The following ZNF276 variants were observed in gnomAD, a reference collection of about 807,000 sequenced individuals.
ZNF276 encodes the protein centromere protein Z.
A neutral mutation model predicts 63.9 loss-of-function variants in ZNF276; 59 were observed. That is an observed-to-expected ratio of 0.92 (90% CI 0.75 to 1.15). The LOEUF (loss-of-function observed/expected upper bound fraction) is 1.15, where lower values mean the gene tolerates loss of function less well. ZNF276 is among the 50% of genes most tolerant of loss of function. The pLI is 0.00. For synonymous variants in ZNF276, 496 were observed against 348.4 expected (o/e 1.42, Z -4.72); for missense variants, 1,084 against 843.8 (o/e 1.28, Z -3.53).
At position 89,721,602 on chromosome 16, in the gene ZNF276, G is replaced by A; in HGVS notation, c.-39G>A. ...CGGGTCCTCTAGGAACCTCGGGCCG[G>A]GCAGCACCCGCGGGATTCTGCTGGC... On this transcript the variant is annotated 5_prime_UTR_variant, in exon 1 of 11. Transcript: ENST00000443381. 6.8e-7 allele frequency: 1 copy of A among 1,469,654 alleles called. No homozygotes were observed. The highest frequency in any genetic ancestry group is 9.0e-7 in the Non-Finnish European group (1 of 1,115,304). 91.0% of individuals were successfully genotyped at this position (1,469,654 alleles called of 1,614,324 possible).
At chr16:89,725,338 C>T (rs1020902703) in intron 4 of ZNF276, among the ~76,000 whole-genome samples, 4 of 151,740 alleles carry the variant, frequency 2.6e-5, no homozygotes, top group Admixed American at 6.6e-5. Context: ...CGCGCCACTA[C>T]GCCCACCTAA....
intron 4 of ZNF276, among the ~76,000 whole-genome samples, chr16:89,726,409 C>G (rs1361355167): frequency 6.6e-6 from 1 of 152,056 alleles, no homozygotes; most frequent in African/African-American, 2.4e-5. Context: ...GTTGGTAAGG[C>G]TGGTCTCGAC....
In ZNF276 at chr16:89,739,445, CCCAGCCCTGA is replaced by C. The variant is rs1567593604; in HGVS notation, c.*1209_*1218del. 2.6e-6 allele frequency: 4 copies of C among 1,552,970 alleles called. No homozygotes were observed. Among genetic ancestry groups the C allele is most frequent in the African/African-American group, 1.4e-5 (1 of 73,214 alleles). On this transcript the variant is annotated 3_prime_UTR_variant, in exon 11 of 11. Coordinates refer to ENST00000443381, the MANE Select transcript of ZNF276 (RefSeq NM_001113525.2). ...TGAGATGGGGGTCTGGGAAACACTGCCCAGCCCTGACCAGCCCTGTGGGTGGAGGTACCTG... is the reference window on the plus strand; with the variant it reads ...TGAGATGGGGGTCTGGGAAACACTGCCCAGCCCTGTGGGTGGAGGTACCTG...
intron 5 of ZNF276, among the ~76,000 whole-genome samples, chr16:89,728,497 G>A (rs1030220464): frequency 6.6e-6 from 1 of 152,086 alleles, no homozygotes; most frequent in Admixed American, 6.5e-5. Context: ...TCTGCCTCCC[G>A]GGTTCACGCC....
At chr16:89,721,339 CCCCTCCG>C (rs2061262737), upstream of ZNF276, 1 of 302,212 alleles carries the variant, frequency 3.3e-6, no homozygotes, top group Non-Finnish European at 6.1e-6. Flanking sequence ...TGTCGGCGAG[CCCCTCCG>C]CCCACCGCCC....
At chr16:89,731,754 A>G (rs1175767594) in intron 6 of ZNF276, 4 of 152,244 alleles carry the variant, frequency 2.6e-5, no homozygotes, top group East Asian at 1.9e-4. Context: ...GCTATTGCAT[A>G]TGTATTGTTC....
chr16:89,720,545 G>A (rs539164569), upstream of ZNF276: 2 of 1,174,524 alleles, frequency 1.7e-6, no homozygotes, highest in African/African-American at 1.6e-5. Context: ...AGCGAGCGGA[G>A]TGGAAAGCCA....
Position 89,723,400 on chromosome 16 carries a change from G to C in ZNF276, c.697G>C (p.Gly233Arg). ...EYCGVIQVVW[G>R]CDQGHDYTMD... ...CTGCGGCGTCATCCAGGTCGTGTGG[G>C]GCTGCGACCAGGGCCACGACTACAC... The change falls in exon 4 of 11, where the codon GGC (glycine) becomes CGC (arginine). Residue 233 changes from glycine to arginine, a missense_variant. Transcript: ENST00000443381. 6.2e-7 allele frequency: 1 copy of C among 1,613,038 alleles called. No individual in the cohort carries two copies. The highest frequency in any genetic ancestry group is 1.3e-5 in the African/African-American group (1 of 75,074).
intron 6 of ZNF276, among the ~76,000 whole-genome samples, chr16:89,730,772 C>G (rs970239963): frequency 2.0e-5 from 3 of 152,174 alleles, no homozygotes; most frequent in Non-Finnish European, 4.4e-5. Flanking sequence ...CCCCTGGGAA[C>G]CCAGAAGGGC....
rs1428755264 is a variant in ZNF276, at chr16:89,740,901, A to C, written c.*2655A>C. On this transcript the variant is annotated 3_prime_UTR_variant, in exon 11 of 11. Coordinates refer to ENST00000443381, the MANE Select transcript of ZNF276 (RefSeq NM_001113525.2). ...AAAACGTGCACTTATTATTACATTA[A>C]AATTACCTGTGCTGTCATTCTAAAT... is the stretch of plus-strand genomic sequence containing the variant. 6.4e-7 allele frequency: 1 copy of C among 1,554,202 alleles called. No individual in the cohort carries two copies. The highest frequency in any genetic ancestry group is 2.3e-5 in the East Asian group (1 of 43,264).
At chr16:89,724,496 A>G (rs1449922880) in intron 4 of ZNF276, among the ~76,000 whole-genome samples, 1 of 152,132 alleles carries the variant, frequency 6.6e-6, no homozygotes, top group East Asian at 1.9e-4. Context: ...AAAATACAAA[A>G]ACTAGCCAGG....
At position 89,740,864 on chromosome 16, in the gene ZNF276, T is replaced by A. The variant is rs747616573; in HGVS notation, c.*2618T>A. 1 of 1,611,924 alleles carries A rather than the reference T, an allele frequency of 6.2e-7. No individual in the cohort carries two copies. Among genetic ancestry groups the A allele is most frequent in the Non-Finnish European group, 8.5e-7 (1 of 1,178,648 alleles). Reference sequence around the variant, plus strand: ...AGGAGAAGAAGAAAAGGAAAACCAATAGCTGTAAATAAAAACGTGCACTTA... The same window carrying A: ...AGGAGAAGAAGAAAAGGAAAACCAAAAGCTGTAAATAAAAACGTGCACTTA... On this transcript the variant is annotated 3_prime_UTR_variant, in exon 11 of 11. Coordinates refer to ENST00000443381, the MANE Select transcript of ZNF276 (RefSeq NM_001113525.2).
At chr16:89,724,441 G>T (rs186067611) in intron 4 of ZNF276, among the ~76,000 whole-genome samples, 1 of 152,314 alleles carries the variant, frequency 6.6e-6, no homozygotes, top group East Asian at 1.9e-4. Context: ...GAGGTCACGA[G>T]ATCAAGACCA....
At position 89,723,476 on chromosome 16, in the gene ZNF276, C is replaced by A. The variant is rs764526317; in HGVS notation, c.773C>A (p.Ala258Glu). 1 of 1,612,892 alleles carries A rather than the reference C, an allele frequency of 6.2e-7. No homozygotes were observed. Among genetic ancestry groups the A allele is most frequent in the Admixed American group, 1.7e-5 (1 of 60,000 alleles). Residue 258 changes from alanine to glutamate, a missense_variant, in exon 4 of 11, where the codon GCA becomes GAA. Transcript: ENST00000443381. ...GCCTTCTTGCTGGACAGTGCGCTGG[C>A]AGTCAAGTGGCCATGGGACAAAGAG... ...CKAFLLDSAL[A>E]VKWPWDKETA...
chr16:89,720,712 C>A, upstream of ZNF276: 1 of 1,348,932 alleles, frequency 7.4e-7, no homozygotes, highest in Non-Finnish European at 9.5e-7. Flanking sequence ...GGGCGGGGGT[C>A]CCTCCAGGGG....
rs537167138 is a variant in ZNF276, at chr16:89,723,646, G to A, written c.943G>A (p.Asp315Asn). ...TGTGGCCCAGCCTCCTTCGGACAGC[G>A]ACGCGGTGGGGCCCAGGTCGGGCTT... ...TDVAQPPSDS[D>N]AVGPRSGFPP... The change falls in exon 4 of 11, where the codon GAC becomes AAC. Residue 315 changes from aspartate (D) to asparagine (N), a missense_variant. Coordinates refer to ENST00000443381, the MANE Select transcript of ZNF276 (RefSeq NM_001113525.2). The A allele has an allele frequency of 5.6e-6, 9 of 1,612,490 alleles. No homozygotes were observed. The highest frequency in any genetic ancestry group is 2.7e-5 in the African/African-American group (2 of 74,952).
rs779886286 is a variant in ZNF276, at chr16:89,729,277, C to T, written c.1128C>T (p.Ala376=). The change falls in exon 6 of 11, where the codon GCC becomes GCT. Residue 376 remains alanine (A), a synonymous_variant. Transcript: ENST00000443381. ...SEDENDKKQN[A]QSSDESFEPY... ...ATGAAAATGACAAGAAGCAAAATGC[C>T]CAGTCTTCGGACGAGTCCTTTGAGC... 6.2e-6 allele frequency: 10 copies of T among 1,614,104 alleles called. No homozygotes were observed. In the South Asian group the frequency reaches 9.9e-5, roughly 16 times the overall value.
In ZNF276 at chr16:89,722,539, C is replaced by G; in HGVS notation, c.214C>G (p.Arg72Gly). 6.2e-7 allele frequency: 1 copy of G among 1,611,022 alleles called. No individual in the cohort carries two copies. Among genetic ancestry groups the G allele is most frequent in the East Asian group, 2.2e-5 (1 of 44,868 alleles). ...CCTGCCGCTCTGTGCAGGAGCAGGC[C>G]GGGCTCTCGCCATGGGTCACTGTCG... is the stretch of plus-strand genomic sequence containing the variant. ...EDGADEAGAG[R>G]ALAMGHCRLC... is the part of the protein sequence containing the mutation. Residue 72 changes from arginine (R) to glycine (G), a missense_variant, in exon 2 of 11, where the codon CGG becomes GGG. Coordinates refer to ENST00000443381, the MANE Select transcript of ZNF276 (RefSeq NM_001113525.2).
chr16:89,739,288 G>A lies in ZNF276; in HGVS notation c.*1042G>A. Reference sequence around the variant, plus strand: ...GCGTCTTCATGGAAGTAGGAGAGAAGACTAGAGGTAAAGACATAGTGACAA... The same window carrying A: ...GCGTCTTCATGGAAGTAGGAGAGAAAACTAGAGGTAAAGACATAGTGACAA... On this transcript the variant is annotated 3_prime_UTR_variant, in exon 11 of 11. Coordinates refer to ENST00000443381, the MANE Select transcript of ZNF276 (RefSeq NM_001113525.2). 3 of 1,614,132 alleles carry A rather than the reference G, an allele frequency of 1.9e-6. No individual in the cohort carries two copies. The highest frequency in any genetic ancestry group is 2.5e-6 in the Non-Finnish European group (3 of 1,180,032).
Sources: allele counts gnomAD v4.1 joint callset (sites outside exome capture counted in the v4.1 genomes callset), GRCh38; gene constraint gnomAD v4.1.1; transcripts MANE v1.5; gene names NCBI Gene and HGNC (gene_info 2026-07-23, HGNC 2026-07-21).